Variants in SCAND3 observed in about 807,000 individuals in gnomAD.
The protein encoded by SCAND3 is SCAN domain containing 3, also known as SCAN domain-containing protein 3.
chr6:28,598,989 G>A, the SCAND3 span, among the ~76,000 whole-genome samples: 15 of 151,652 alleles, frequency 9.9e-5, no homozygotes, highest in Non-Finnish European at 1.9e-4. Context: ...ATACTCATTT[G>A]GAATTTGAAA....
chr6:28,596,560 T>C, the SCAND3 span, among the ~76,000 whole-genome samples: 3 of 152,054 alleles, frequency 2.0e-5, no homozygotes, highest in Non-Finnish European at 4.4e-5. Flanking sequence ...CTTTATAATT[T>C]TGGAATCATG....
the SCAND3 span, chr6:28,579,560 G>A: frequency 3.8e-6 from 3 of 792,228 alleles, no homozygotes; most frequent in African/African-American, 1.8e-5. This position sits in a 1 kb window ranked among gnomAD's most constrained non-coding sequence, Gnocchi z 4.5. Flanking sequence ...AAAACATGAA[G>A]AGAAATGAAA....
chr6:28,577,192 T>C, the SCAND3 span, among the ~76,000 whole-genome samples: 2 of 152,132 alleles, frequency 1.3e-5, no homozygotes, highest in Admixed American at 1.3e-4. Flanking sequence ...ATTTCTAGAA[T>C]ACTCATAATA....
At chr6:28,571,974 C>G in the SCAND3 span, 2 of 1,613,860 alleles carry the variant, frequency 1.2e-6, no homozygotes, top group South Asian at 2.2e-5. Context: ...GGATTGATGA[C>G]AATGCTACCC....
the SCAND3 span, among the ~76,000 whole-genome samples, chr6:28,594,589 A>G: frequency 6.6e-6 from 1 of 152,220 alleles, no homozygotes; most frequent in African/African-American, 2.4e-5. Context: ...TGGGAGGTGG[A>G]CGTTGCAGTG....
At chr6:28,602,485 G>A in the SCAND3 span, among the ~76,000 whole-genome samples, 148 of 152,348 alleles carry the variant, frequency 9.7e-4, no homozygotes, top group Admixed American at 2.4e-3. Context: ...TGGGATTACA[G>A]GCGTGAGCCA....
the SCAND3 span, chr6:28,586,293 C>G: frequency 1.3e-6 from 2 of 1,581,420 alleles, no homozygotes; most frequent in Non-Finnish European, 1.7e-6. The surrounding 1 kb of genome is among the most constrained non-coding windows in gnomAD (Gnocchi z 4.4). Flanking sequence ...CCTCCAATTT[C>G]TCACCTGCTG....
At chr6:28,611,501 C>T in the SCAND3 span, among the ~76,000 whole-genome samples, 1 of 152,238 alleles carries the variant, frequency 6.6e-6, no homozygotes, top group African/African-American at 2.4e-5. Flanking sequence ...ACTTCCAACA[C>T]ACTTTGAGCA....
the SCAND3 span, chr6:28,574,874 T>C: frequency 6.2e-7 from 1 of 1,614,038 alleles, no homozygotes. Flanking sequence ...TTAACACCTG[T>C]GCATTCTTTT....
chr6:28,597,526 C>A, the SCAND3 span, among the ~76,000 whole-genome samples: 1 of 152,120 alleles, frequency 6.6e-6, no homozygotes, highest in East Asian at 1.9e-4. Flanking sequence ...TCAGTCCTTA[C>A]AACCACACCC....
the SCAND3 span, among the ~76,000 whole-genome samples, chr6:28,614,100 A>C: frequency 6.6e-6 from 1 of 151,834 alleles, no homozygotes; most frequent in African/African-American, 2.4e-5. Context: ...AGAAGCTGGG[A>C]ATACAGGCAT....
the SCAND3 span, among the ~76,000 whole-genome samples, chr6:28,613,664 C>T: frequency 6.6e-6 from 1 of 152,296 alleles, no homozygotes; most frequent in Non-Finnish European, 1.5e-5. Flanking sequence ...TGAATTTCAA[C>T]ACAAAGTGTA....
chr6:28,575,651 A>G, the SCAND3 span: 2 of 1,614,040 alleles, frequency 1.2e-6, no homozygotes, highest in Admixed American at 1.7e-5. The surrounding 1 kb of genome is among the most constrained non-coding windows in gnomAD (Gnocchi z 4.2). Context: ...TTCTGTTGGC[A>G]TGGTTTACAG....
chr6:28,572,201 G>C, the SCAND3 span: 1 of 1,614,016 alleles, frequency 6.2e-7, no homozygotes, highest in South Asian at 1.1e-5. This position sits in a 1 kb window ranked among gnomAD's most constrained non-coding sequence, Gnocchi z 4.1. Flanking sequence ...TCGGTAGCCA[G>C]CTTCAACAAC....
chr6:28,575,671 T>C, the SCAND3 span: 1 of 1,614,200 alleles, frequency 6.2e-7, no homozygotes, highest in Non-Finnish European at 8.5e-7. This position sits in a 1 kb window ranked among gnomAD's most constrained non-coding sequence, Gnocchi z 4.2. Context: ...GAGGGTCAGA[T>C]ACAGCATTAT....
At chr6:28,572,868 G>A in the SCAND3 span, 1 of 1,613,430 alleles carries the variant, frequency 6.2e-7, no homozygotes, top group African/African-American at 1.3e-5. The surrounding 1 kb of genome is among the most constrained non-coding windows in gnomAD (Gnocchi z 4.1). Flanking sequence ...TTTTTTTCAT[G>A]GCAAGACTTT....
At chr6:28,602,181 T>C in the SCAND3 span, among the ~76,000 whole-genome samples, 1 of 152,218 alleles carries the variant, frequency 6.6e-6, no homozygotes, top group Non-Finnish European at 1.5e-5. Flanking sequence ...TCACATATGA[T>C]GATGATAATT....
the SCAND3 span, chr6:28,589,852 G>GTTTTTTTTTTTTTTT: frequency 5.1e-5 from 6 of 117,668 alleles, no homozygotes; most frequent in Non-Finnish European, 3.5e-5. Context: ...TTGTTTTTTT[G>GTTTTTTTTTTTTTTT]TTTGTTTTTT....
At chr6:28,615,838 C>G in the SCAND3 span, among the ~76,000 whole-genome samples, 1 of 152,234 alleles carries the variant, frequency 6.6e-6, no homozygotes, top group South Asian at 2.1e-4. Context: ...TGCAACATCT[C>G]CATTTCAAAA....
Sources: gnomAD v4.1 joint callset for allele counts (sites outside exome capture counted in the v4.1 genomes callset) on GRCh38, gnomAD v4.1.1 for gene constraint, Gnocchi (gnomAD v3.1) non-coding constraint, MANE v1.5 for transcripts, NCBI Gene and HGNC (gene_info 2026-07-23, HGNC 2026-07-21) for gene names.